The following FLT4 variants were observed in gnomAD, a reference collection of about 807,000 sequenced individuals.
FLT4 encodes the protein fms related receptor tyrosine kinase 4, also known as vascular endothelial growth factor receptor 3.
A neutral mutation model predicts 163.2 loss-of-function variants in FLT4; 30 were observed. The observed-to-expected ratio is 0.18, with a 90% CI of 0.14 to 0.25. The LOEUF (loss-of-function observed/expected upper bound fraction) is 0.25. FLT4 is among the 10% of genes least tolerant of loss of function. The pLI is 1.00. For synonymous variants in FLT4, 884 were observed against 789.5 expected (o/e 1.12, Z -2.01); for missense variants, 1,510 against 1,863.8 (o/e 0.81, Z 3.50).
intron 1 of FLT4, among the ~76,000 whole-genome samples, chr5:180,642,302 T>C (rs951272684): frequency 2.0e-5 from 3 of 152,002 alleles, no homozygotes; most frequent in African/African-American, 7.2e-5. Context: ...CTACAGCTGC[T>C]GTATCACTGT....
intron 8 of FLT4, among the ~76,000 whole-genome samples, chr5:180,628,115 G>A (rs1326055040): frequency 1.3e-5 from 2 of 152,208 alleles, no homozygotes; most frequent in Non-Finnish European, 2.9e-5. Context: ...CTAGCTCAGT[G>A]CAGAGACCCC....
Position 180,625,928 on chromosome 5 carries a change from G to C in FLT4, c.1362C>G (p.Leu454=). ...TCTAYGVPLP[L]SIQWHWRPWT... The stretch of plus-strand genomic sequence containing the variant: ...AGGGCCGCCAGTGCCACTGGATGCT[G>C]AGAGGCAGGGGCACCCCGTAGGCCG... The change falls in exon 10 of 30, where the codon CTC becomes CTG. Residue 454 remains leucine, a synonymous_variant. Transcript: ENST00000261937. The C allele has an allele frequency of 6.2e-7, 1 of 1,612,762 alleles. No individual in the cohort carries two copies. Among genetic ancestry groups the C allele is most frequent in the Admixed American group, 1.7e-5 (1 of 60,018 alleles).
At chr5:180,622,937 A>T in intron 11 of FLT4, 98 bp from the exon 12 acceptor site, 1 of 758,202 alleles carries the variant, frequency 1.3e-6, no homozygotes. Context: ...CACCCCCCCC[A>T]ATCATGGGGG....
At chr5:180,621,349 C>T (rs772180633) in intron 13 of FLT4, 97 bp from the exon 14 acceptor site, 16 of 1,480,448 alleles carry the variant, frequency 1.1e-5, no homozygotes, top group Non-Finnish European at 1.5e-5. Context: ...TCCCTGGAAG[C>T]TGGACTTAGG....
chr5:180,606,074 G>A (rs1191970810), intron 29 of FLT4, among the ~76,000 whole-genome samples: 1 of 152,192 alleles, frequency 6.6e-6, no homozygotes, highest in Non-Finnish European at 1.5e-5. Context: ...GGATGCACCC[G>A]CCAGAGACCT....
intron 29 of FLT4, among the ~76,000 whole-genome samples, chr5:180,606,556 G>A (rs1761794669): frequency 1.3e-5 from 2 of 152,356 alleles, no homozygotes; most frequent in South Asian, 4.1e-4. Context: ...GGCCTGGGCT[G>A]AGCGGCCTTC....
At position 180,620,627 on chromosome 5, in the gene FLT4, G is replaced by T; in HGVS notation, c.2388C>A (p.Ile796=). ...AVFFWVLLLL[I]FCNMRRPAHA... is the part of the protein sequence containing the mutation. The stretch of plus-strand genomic sequence containing the variant: ...CACTCACCCTCCTCATGTTACAGAA[G>T]ATGAGGAGGAGGAGGACCCAGAAGA... Residue 796 remains isoleucine (I), a synonymous_variant, in exon 16 of 30, where the codon ATC becomes ATA. Coordinates refer to ENST00000261937, the MANE Select transcript of FLT4 (RefSeq NM_182925.5). The surrounding 1 kb of genome is among the most constrained non-coding windows in gnomAD (Gnocchi z 4.4). 3 of 1,610,422 alleles carry T rather than the reference G, an allele frequency of 1.9e-6. No homozygotes were observed. The highest frequency in any genetic ancestry group is 1.1e-5 in the South Asian group (1 of 91,024).
chr5:180,614,463 CTG>C (rs1762476849), intron 23 of FLT4, among the ~76,000 whole-genome samples: 1 of 152,086 alleles, frequency 6.6e-6, no homozygotes, highest in African/African-American at 2.4e-5. Flanking sequence ...TCGGGGTAGA[CTG>C]TACACCTTCC....
chr5:180,626,871 A>T (rs985305534), intron 8 of FLT4, among the ~76,000 whole-genome samples: 4 of 152,140 alleles, frequency 2.6e-5, no homozygotes, highest in Non-Finnish European at 2.9e-5. Flanking sequence ...TCATTTCTGT[A>T]GCCAGGAATC....
At chr5:180,638,816 C>A (rs540278359) in intron 1 of FLT4, among the ~76,000 whole-genome samples, 3 of 152,318 alleles carry the variant, frequency 2.0e-5, no homozygotes, top group South Asian at 2.1e-4. Flanking sequence ...CCTGTCCCAA[C>A]TTGGAATTAT....
At chr5:180,649,783 G>A (rs1765657865), upstream of FLT4, among the ~76,000 whole-genome samples, 1 of 151,976 alleles carries the variant, frequency 6.6e-6, no homozygotes, top group South Asian at 2.1e-4. Context: ...CTCCTGGGCG[G>A]CTCCGGGCGC....
At chr5:180,621,379 G>C (rs1368896489) in intron 13 of FLT4, 127 bp from the exon 14 acceptor site, 3 of 1,405,464 alleles carry the variant, frequency 2.1e-6, no homozygotes, top group Admixed American at 4.7e-5. Flanking sequence ...CCGGGCAGGA[G>C]CGCGGCGCGC....
Position 180,620,149 on chromosome 5 carries a change from TG to T in FLT4, c.2542+23del. ...GGTGGGTCGGGCAGGAGGTGTGGGT[TG>T]GGCAGGCTGGTGCTGGCCTCACCCA... On this transcript the variant is annotated intron_variant, in intron 17 of 29. Transcript: ENST00000261937. The surrounding 1 kb of genome is among the most constrained non-coding windows in gnomAD (Gnocchi z 4.4). 6.3e-7 allele frequency: 1 copy of T among 1,597,894 alleles called. No individual in the cohort carries two copies.
chr5:180,622,896 CCT>C, intron 11 of FLT4, 57 bp from the exon 12 acceptor site: 2 of 1,224,426 alleles, frequency 1.6e-6, no homozygotes, highest in Middle Eastern at 2.1e-4. Flanking sequence ...CAACCTGGGC[CCT>C]GTCTTTCTGC....
At chr5:180,607,365 G>A (rs559529886) in intron 29 of FLT4, among the ~76,000 whole-genome samples, 26 of 152,310 alleles carry the variant, frequency 1.7e-4, no homozygotes, top group African/African-American at 4.8e-4. Context: ...GGCCGGGCGC[G>A]GTGGCTCAGG....
intron 11 of FLT4, 148 bp from the exon 12 acceptor site, chr5:180,622,987 G>A: frequency 1.4e-6 from 1 of 703,374 alleles, no homozygotes; most frequent in Non-Finnish European, 2.6e-6. Context: ...AAACTCACAG[G>A]ACCAGGGATA....
In FLT4 at chr5:180,626,152, G is replaced by T; in HGVS notation, c.1217C>A (p.Ala406Asp). The change falls in exon 9 of 30, where the codon GCT becomes GAT. Residue 406 changes from alanine to aspartate, a missense_variant. By Grantham distance (126) the Ala-to-Asp change is moderately radical. Around this residue, in one of 5 missense-constraint regions of FLT4, gnomAD observed 878 missense variants for 1,016.7 expected, o/e 0.86. Coordinates refer to ENST00000261937, the MANE Select transcript of FLT4 (RefSeq NM_182925.5). The stretch of plus-strand genomic sequence containing the variant: ...CAGGCTGATGTTGCGCCTCAGGCCA[G>T]CAGCGGAGTTCCACAGGGCGAGGGT... Reference protein sequence around the residue: ...TYTLALWNSAAGLRRNISLEL... With the variant: ...TYTLALWNSADGLRRNISLEL... The T allele has an allele frequency of 1.9e-6, 3 of 1,612,886 alleles. No individual in the cohort carries two copies. The highest frequency in any genetic ancestry group is 2.5e-6 in the Non-Finnish European group (3 of 1,180,022).
At chr5:180,609,608 C>T (rs1762019203) in intron 28 of FLT4, 2 of 426,052 alleles carry the variant, frequency 4.7e-6, no homozygotes, top group South Asian at 2.1e-5. Context: ...CGCTCACTGA[C>T]CAGGCCCGGG....
chr5:180,610,033 G>A lies in FLT4; in HGVS notation c.3687-8C>T. The A allele has an allele frequency of 6.2e-7, 1 of 1,614,064 alleles. No homozygotes were observed. ...GACACCCAGTTGTAATACCTGTGGG[G>A]AGAAATCAGAAGGTGCTGAGGAACG... On this transcript the variant is annotated splice_region_variant and splice_polypyrimidine_tract_variant and intron_variant, in intron 27 of 29. Coordinates refer to ENST00000261937, the MANE Select transcript of FLT4 (RefSeq NM_182925.5).
Sources: allele counts gnomAD v4.1 joint callset (sites outside exome capture counted in the v4.1 genomes callset), GRCh38; gene constraint gnomAD v4.1.1; regional missense constraint gnomAD v4.1.1; non-coding constraint Gnocchi (gnomAD v3.1); transcripts MANE v1.5; gene names NCBI Gene and HGNC (gene_info 2026-07-23, HGNC 2026-07-21).